The following UHRF1 variants were observed in gnomAD, a reference collection of about 807,000 sequenced individuals.
The protein encoded by UHRF1 is ubiquitin like with PHD and ring finger domains 1.
A neutral mutation model predicts 96.5 loss-of-function variants in UHRF1; 9 were observed. That is an observed-to-expected ratio of 0.09 (90% CI 0.06 to 0.16). The LOEUF (loss-of-function observed/expected upper bound fraction) is 0.16, where lower values mean the gene tolerates loss of function less well. UHRF1 is among the 10% of genes least tolerant of loss of function. The pLI is 1.00. For synonymous variants in UHRF1, 455 were observed against 469.9 expected (o/e 0.97, Z 0.41); for missense variants, 626 against 1,131.1 (o/e 0.55, Z 6.40).
chr19:4,932,564 A>G (rs1011554410), intron 4 of UHRF1, 177 bp from the exon 5 acceptor site: 2 of 662,266 alleles, frequency 3.0e-6, no homozygotes, highest in Non-Finnish European at 5.1e-6. Flanking sequence ...ACCCATAACA[A>G]TTTTGTACCT....
chr19:4,916,628 G>A (rs773771267), intron 2 of UHRF1, among the ~76,000 whole-genome samples: 1 of 151,866 alleles, frequency 6.6e-6, no homozygotes, highest in East Asian at 1.9e-4. Context: ...ATGCCCTCGC[G>A]GCGCCGTCCA....
Position 4,910,928 on chromosome 19 carries a change from A to C in UHRF1, c.43A>C (p.Thr15Pro), listed in dbSNP as rs887858360. ...GACCATGGACGGGAGGCAGACCCAC[A>C]CGGTGGACTCGCTGTCCAGGCTGAC... ...VRTMDGRQTH[T>P]VDSLSRLTKV... Residue 15 changes from threonine to proline, a missense_variant, in exon 2 of 17, where the codon ACG (threonine) becomes CCG (proline). Around this residue, in one of 11 missense-constraint regions of UHRF1, gnomAD observed 32 missense variants for 46.8 expected, o/e 0.68. Coordinates refer to ENST00000650932, the MANE Select transcript of UHRF1 (RefSeq NM_001048201.3). 1 of 1,613,602 alleles carries C rather than the reference A, an allele frequency of 6.2e-7. No individual in the cohort carries two copies. Among genetic ancestry groups the C allele is most frequent in the Non-Finnish European group, 8.5e-7 (1 of 1,179,650 alleles).
In UHRF1 at chr19:4,954,499, C is replaced by A; in HGVS notation, c.1957+11C>A. On this transcript the variant is annotated intron_variant, in intron 14 of 16. Transcript: ENST00000650932. The surrounding 1 kb of genome is among the most constrained non-coding windows in gnomAD (Gnocchi z 5.9). ...AGCGGAAGTCGGCAGGTGAGAATCT[C>A]GTGGGTGTGGGGTGAGCGTCTTGTG... 6.2e-7 allele frequency: 1 copy of A among 1,605,796 alleles called. No homozygotes were observed. Among genetic ancestry groups the A allele is most frequent in the Non-Finnish European group, 8.5e-7 (1 of 1,174,234 alleles).
At chr19:4,927,782 G>A (rs1007479513) in intron 2 of UHRF1, among the ~76,000 whole-genome samples, 20 of 152,280 alleles carry the variant, frequency 1.3e-4, no homozygotes, top group Admixed American at 9.8e-4. Context: ...TGCCCAGAGG[G>A]GGAGACCCAG....
At chr19:4,945,786 G>A (rs2145187627) in intron 9 of UHRF1, 75 bp from the exon 10 acceptor site, 1 of 1,288,594 alleles carries the variant, frequency 7.8e-7, no homozygotes, top group African/African-American at 1.5e-5. Flanking sequence ...TCGGGGTAGG[G>A]AGGAGGAGGG....
At chr19:4,923,066 G>T (rs2032752965) in intron 2 of UHRF1, among the ~76,000 whole-genome samples, 1 of 152,084 alleles carries the variant, frequency 6.6e-6, no homozygotes, top group African/African-American at 2.4e-5. Context: ...CTGCCCATTA[G>T]CCTGGCCAGG....
chr19:4,947,204 A>T lies in UHRF1; in HGVS notation c.1510A>T (p.Thr504Ser). 1.2e-6 allele frequency: 2 copies of T among 1,613,746 alleles called. No homozygotes were observed. Among genetic ancestry groups the T allele is most frequent in the Non-Finnish European group, 1.7e-6 (2 of 1,179,748 alleles). ...GTCTTGTGATCAGAAACTCACCAAC[A>T]CCAACAGGTTTGTGGAATCAGCCTT... ...EQSCDQKLTN[T>S]NRALALNCFA... is the part of the protein sequence containing the mutation. Residue 504 changes from threonine to serine, a missense_variant, in exon 11 of 17, where the codon ACC becomes TCC. This residue lies in a region of UHRF1 where 61 missense variants were observed against 199.2 expected (regional missense o/e 0.31). Transcript: ENST00000650932.
Position 4,909,645 on chromosome 19 carries a change from C to A in UHRF1, c.-21C>A, listed in dbSNP as rs1213809337. 8 of 567,570 alleles carry A rather than the reference C, an allele frequency of 1.4e-5. No individual in the cohort carries two copies. The highest frequency in any genetic ancestry group is 3.6e-5 in the Admixed American group (1 of 28,030). The allele number at this position is 567,570 out of a possible 1,614,324, so 35.2% of individuals were successfully genotyped here. A position where few individuals can be genotyped will look rare whatever the true frequency, so the allele number is the denominator to read the frequency against. ...GCGCAGGCAGACAAGCTGTTCGCGG[C>A]GACCGGAGAGGTGAGCGGGCGGGCC... On this transcript the variant is annotated 5_prime_UTR_variant, in exon 1 of 17. Transcript: ENST00000650932.
chr19:4,932,822 G>A lies in UHRF1; in HGVS notation c.651G>A (p.Leu217=), dbSNP rs1272842987. The A allele has an allele frequency of 1.2e-6, 2 of 1,613,892 alleles. No homozygotes were observed. The highest frequency in any genetic ancestry group is 2.2e-5 in the South Asian group (2 of 91,090). Residue 217 remains leucine, a synonymous_variant, in exon 5 of 17, where the codon CTG becomes CTA. Transcript: ENST00000650932. ...RARTIIKWQD[L]EVGQVVMLNY... Reference sequence around the variant, plus strand: ...GCACCATCATCAAGTGGCAGGACCTGGAGGTGGGCCAGGTGGTCATGCTCA... The same window carrying A: ...GCACCATCATCAAGTGGCAGGACCTAGAGGTGGGCCAGGTGGTCATGCTCA...
At chr19:4,931,276 C>G (rs17880757) in intron 4 of UHRF1, among the ~76,000 whole-genome samples, 2,337 of 152,232 alleles carry the variant, frequency 0.015, 29 homozygotes, top group Middle Eastern at 0.058. Flanking sequence ...CAGATGGTGG[C>G]TGCGTCTGTC....
rs1406646372 is a variant in UHRF1 at position 4,916,648 on chromosome 19, C to T, written c.153+5610C>T. ...CTCGCGGCGCCGTCCACGCCACCGC[C>T]GCCCCCTCTTGTGGGTTCTGTCTCC... On this transcript the variant is annotated intron_variant, in intron 2 of 16. Coordinates refer to ENST00000650932, the MANE Select transcript of UHRF1 (RefSeq NM_001048201.3). 2.6e-5 allele frequency among the ~76,000 whole-genome samples: 4 copies of T among 152,046 alleles called. No individual in the cohort carries two copies. The East Asian group carries it at 5.8e-4, about 22-fold the overall frequency.
intron 2 of UHRF1, among the ~76,000 whole-genome samples, chr19:4,924,428 C>T (rs527404672): frequency 6.6e-6 from 1 of 152,074 alleles, no homozygotes; most frequent in Admixed American, 6.6e-5. Flanking sequence ...GGATTATAGG[C>T]GTGAGCCACC....
Position 4,954,715 on chromosome 19 carries a change from A to G in UHRF1, c.2023A>G (p.Ser675Gly). Reference sequence around the variant, plus strand: ...CAAGAAAACCAAGGTGGAGCCCTACAGTCTCACGGCCCAGCAGAGCAGCCT... The same window carrying G: ...CAAGAAAACCAAGGTGGAGCCCTACGGTCTCACGGCCCAGCAGAGCAGCCT... ...TSKKTKVEPY[S>G]LTAQQSSLIR... The change falls in exon 15 of 17, where the codon AGT becomes GGT. Residue 675 changes from serine (S) to glycine (G), a missense_variant. By Grantham distance (56) the Ser-to-Gly change is moderately conservative. Transcript: ENST00000650932. The surrounding 1 kb of genome is among the most constrained non-coding windows in gnomAD (Gnocchi z 5.9). The G allele has an allele frequency of 6.2e-7, 1 of 1,613,756 alleles. No individual in the cohort carries two copies. Among genetic ancestry groups the G allele is most frequent in the Non-Finnish European group, 8.5e-7 (1 of 1,179,820 alleles).
upstream of UHRF1, chr19:4,909,202 G>T: frequency 2.2e-6 from 1 of 462,478 alleles, no homozygotes; most frequent in Non-Finnish European, 3.8e-6. Flanking sequence ...GGACTTAAGA[G>T]TTCAGGGGGT....
intron 7 of UHRF1, 41 bp from the exon 8 acceptor site, chr19:4,944,091 T>A (rs1407163406): frequency 6.2e-7 from 1 of 1,609,480 alleles, no homozygotes; most frequent in South Asian, 1.1e-5. Flanking sequence ...CTGAGACATC[T>A]GCCAGGCTAG....
At position 4,921,967 on chromosome 19, in the gene UHRF1, T is replaced by C. The variant is rs567571875; in HGVS notation, c.154-7255T>C. Among the ~76,000 whole-genome samples the C allele has an allele frequency of 5.3e-5, 8 of 151,986 alleles. No homozygotes were observed. In the East Asian group the frequency reaches 1.2e-3, roughly 22 times the overall value. On this transcript the variant is annotated intron_variant, in intron 2 of 16. Coordinates refer to ENST00000650932, the MANE Select transcript of UHRF1 (RefSeq NM_001048201.3). ...TTTATTTGTATTTACTTATTTTGTT[T>C]ATTTATTTGAGACAGTCTCGCTCTG...
intron 2 of UHRF1, among the ~76,000 whole-genome samples, chr19:4,923,076 G>T (rs262576): frequency 5.9e-4 from 90 of 152,218 alleles, no homozygotes; most frequent in African/African-American, 2.1e-3. Flanking sequence ...GCCTGGCCAG[G>T]GCCCCTCATT....
chr19:4,946,467 A>G (rs1288979377), intron 10 of UHRF1, among the ~76,000 whole-genome samples: 5 of 151,970 alleles, frequency 3.3e-5, no homozygotes, highest in Non-Finnish European at 7.4e-5. Flanking sequence ...CTGTGAATAG[A>G]TCTGCTACGA....
chr19:4,925,563 C>T (rs1225932296), intron 2 of UHRF1, among the ~76,000 whole-genome samples: 1 of 152,034 alleles, frequency 6.6e-6, no homozygotes, highest in African/African-American at 2.4e-5. Context: ...GCTCTGTTGC[C>T]CAGGCTGGAG....
Sources: gnomAD v4.1 joint callset for allele counts (sites outside exome capture counted in the v4.1 genomes callset) on GRCh38, gnomAD v4.1.1 for gene constraint, gnomAD v4.1.1 regional missense constraint, Gnocchi (gnomAD v3.1) non-coding constraint, MANE v1.5 for transcripts, NCBI Gene and HGNC (gene_info 2026-07-23, HGNC 2026-07-21) for gene names.